CLVS1: variants seen among roughly 807,000 people sequenced by gnomAD.
The protein encoded by CLVS1 is clavesin-1.
In CLVS1, 10 loss-of-function variants were observed where a neutral mutation model predicts 33.1. The observed-to-expected ratio is 0.30, with a 90% CI of 0.19 to 0.51. The LOEUF (loss-of-function observed/expected upper bound fraction) is 0.51, where lower values mean the gene tolerates loss of function less well. CLVS1 is among the 20% of genes least tolerant of loss of function. The pLI, the probability that CLVS1 is intolerant of heterozygous loss-of-function variation, is 0.97. For missense variants in CLVS1, 343 were observed against 433.4 expected (o/e 0.79, Z 1.85); for synonymous variants, 163 against 166.1 (o/e 0.98, Z 0.14).
chr8:61,164,304 G>GAT (rs1806812107), intron 2 of CLVS1, among the ~76,000 whole-genome samples: 1 of 152,148 alleles, frequency 6.6e-6, no homozygotes, highest in African/African-American at 2.4e-5. Context: ...ATTTTAGACA[G>GAT]ATAGGGAGGA....
intron 1 of CLVS1, among the ~76,000 whole-genome samples, chr8:61,079,408 A>G (rs1200820998): frequency 1.3e-5 from 2 of 152,182 alleles, no homozygotes; most frequent in African/African-American, 4.8e-5. Context: ...TTAAACTGCA[A>G]TCCACTTTTT....
At chr8:61,168,170 C>T (rs993254497) in intron 2 of CLVS1, among the ~76,000 whole-genome samples, 11 of 152,192 alleles carry the variant, frequency 7.2e-5, no homozygotes, top group African/African-American at 2.4e-4. Flanking sequence ...CTTCTAACAA[C>T]CCTGAGATCC....
chr8:61,200,985 C>T lies in CLVS1; in HGVS notation c.-152+69125C>T, dbSNP rs16926994. Among the ~76,000 whole-genome samples, 1,202 of 152,134 alleles carry T rather than the reference C, an allele frequency of 7.9e-3. 12 individuals carry two copies. Among genetic ancestry groups the T allele is most frequent in the African/African-American group, 0.027 (1,106 of 41,466 alleles). On this transcript the variant is annotated intron_variant, in intron 2 of 2. Transcript: ENST00000522621. ...TTTTCAAGATATTGTTAGCCATAAC[C>T]GATCATGGTGAAATTTACTAAATTG...
chr8:61,468,096 G>A (rs1254655571), intron 5 of CLVS1, among the ~76,000 whole-genome samples: 1 of 150,658 alleles, frequency 6.6e-6, no homozygotes. Flanking sequence ...TCTCAGAGAG[G>A]GTAAATGTGA....
At chr8:61,152,303 G>T (rs1037589042) in intron 2 of CLVS1, among the ~76,000 whole-genome samples, 1 of 152,098 alleles carries the variant, frequency 6.6e-6, no homozygotes, top group Non-Finnish European at 1.5e-5. Context: ...TATGGGCATG[G>T]ATCCCATCAT....
At chr8:61,253,105 G>A (rs549522031) in intron 2 of CLVS1, among the ~76,000 whole-genome samples, 3 of 152,094 alleles carry the variant, frequency 2.0e-5, no homozygotes, top group Non-Finnish European at 4.4e-5. Context: ...AGCTCTTTTA[G>A]GGCAGGCCTG....
At chr8:61,193,948 A>G (rs1807549129) in intron 2 of CLVS1, among the ~76,000 whole-genome samples, 1 of 152,102 alleles carries the variant, frequency 6.6e-6, no homozygotes, top group African/African-American at 2.4e-5. Context: ...AAATGAAAGG[A>G]ATCCATTCTA....
chr8:61,270,929 C>T (rs1263765076), intron 2 of CLVS1, among the ~76,000 whole-genome samples: 6 of 151,546 alleles, frequency 4.0e-5, no homozygotes, highest in East Asian at 1.9e-4. Flanking sequence ...GTCTTGCTAG[C>T]GGTCTATCAA....
chr8:61,048,547 C>G, the CLVS1 span, among the ~76,000 whole-genome samples: 2 of 152,198 alleles, frequency 1.3e-5, no homozygotes, highest in African/African-American at 4.8e-5. Flanking sequence ...TTCCTTCTCC[C>G]CCAAATTTCC....
chr8:61,150,334 C>G (rs1369186740), intron 2 of CLVS1, among the ~76,000 whole-genome samples: 1 of 152,116 alleles, frequency 6.6e-6, no homozygotes, highest in Non-Finnish European at 1.5e-5. Flanking sequence ...GGGCATGGCG[C>G]TTAGGACTTC....
intron 1 of CLVS1, among the ~76,000 whole-genome samples, chr8:61,129,700 C>CTTGG (rs1806050616): frequency 6.6e-6 from 1 of 152,122 alleles, no homozygotes; most frequent in African/African-American, 2.4e-5. Context: ...TCCCTGAGGC[C>CTTGG]TCTTTTATGA....
chr8:61,195,167 TG>T (rs1248102219), intron 2 of CLVS1, among the ~76,000 whole-genome samples: 1 of 151,828 alleles, frequency 6.6e-6, no homozygotes, highest in Non-Finnish European at 1.5e-5. Context: ...AAGTAAGTAG[TG>T]GAGCAAATAA....
chr8:61,196,696 G>T (rs192214439), intron 2 of CLVS1, among the ~76,000 whole-genome samples: 1 of 152,172 alleles, frequency 6.6e-6, no homozygotes, highest in Non-Finnish European at 1.5e-5. Flanking sequence ...AGGAACAAAC[G>T]TGTTTGTGGA....
chr8:61,308,340 T>G (rs759249103), intron 2 of CLVS1, among the ~76,000 whole-genome samples: 2 of 152,130 alleles, frequency 1.3e-5, no homozygotes, highest in Non-Finnish European at 2.9e-5. Context: ...AATTACAAGC[T>G]CATCCCAAAG....
intron 2 of CLVS1, among the ~76,000 whole-genome samples, chr8:61,372,538 C>A (rs375349310): frequency 6.6e-6 from 1 of 151,780 alleles, no homozygotes. Flanking sequence ...GTTACTGTTA[C>A]GACTAATGAA....
rs151304219 is a variant in CLVS1, at chr8:61,237,972, C to T, written c.-151-61705C>T. 2.0e-3 allele frequency among the ~76,000 whole-genome samples: 309 copies of T among 152,208 alleles called. 1 individual carries two copies. Among genetic ancestry groups the T allele is most frequent in the African/African-American group, 5.6e-3 (233 of 41,532 alleles). ...GCAGAACTGTGAATACTGAGGCATCCAAGCCGAGGCTGAATTAGCTAAAGA... is the reference window on the plus strand; with the variant it reads ...GCAGAACTGTGAATACTGAGGCATCTAAGCCGAGGCTGAATTAGCTAAAGA... On this transcript the variant is annotated intron_variant, in intron 2 of 2. Coordinates refer to the CLVS1 transcript ENST00000522621.
chr8:61,170,683 T>C (rs1278675247), intron 2 of CLVS1, among the ~76,000 whole-genome samples: 3 of 152,216 alleles, frequency 2.0e-5, no homozygotes, highest in African/African-American at 4.8e-5. Context: ...CGGAGAATAA[T>C]GCCTATTTTA....
At chr8:61,387,488 A>T (rs12548866) in intron 3 of CLVS1, among the ~76,000 whole-genome samples, 86,058 of 131,388 alleles carry the variant, frequency 0.65, 28,646 homozygotes, top group Non-Finnish European at 0.74. Context: ...TTTTTTTTTT[A>T]AATTTCAATA....
chr8:61,418,814 T>C (rs750728425), intron 3 of CLVS1, among the ~76,000 whole-genome samples: 7 of 152,044 alleles, frequency 4.6e-5, no homozygotes, highest in Non-Finnish European at 1.0e-4. Flanking sequence ...TGAGTGAGAG[T>C]TGATTGAACA....
Sources: allele counts gnomAD v4.1 joint callset (sites outside exome capture counted in the v4.1 genomes callset), GRCh38; gene constraint gnomAD v4.1.1; transcripts MANE v1.5; gene names NCBI Gene and HGNC (gene_info 2026-07-23, HGNC 2026-07-21).